The following SNX29 variants were observed in gnomAD, a reference collection of about 807,000 sequenced individuals.
SNX29 encodes the protein sorting nexin 29, also known as sorting nexin-29.
A neutral mutation model predicts 102.1 loss-of-function variants in SNX29; 78 were observed. The ratio of observed to expected loss-of-function variants is 0.76; its 90% CI spans 0.64 to 0.92. The LOEUF is 0.92. Among genes scored for constraint, SNX29 ranks in the 40% least tolerant of loss-of-function variants. The pLI is 0.00. For missense variants in SNX29, 1,280 were observed against 1,061.7 expected, an observed-to-expected ratio of 1.21 and a Z score of -2.86; for synonymous variants, 580 against 414.5, an observed-to-expected ratio of 1.40 and a Z score of -4.85.
intron 14 of SNX29, among the ~76,000 whole-genome samples, chr16:12,207,674 A>C (rs992877783): frequency 9.2e-5 from 14 of 152,022 alleles, no homozygotes; most frequent in African/African-American, 3.1e-4. Flanking sequence ...CGCTTCCCTT[A>C]TGCTTGCTCA....
chr16:12,566,595 A>T (rs1598111323), intron 20 of SNX29, among the ~76,000 whole-genome samples: 1 of 152,194 alleles, frequency 6.6e-6, no homozygotes, highest in African/African-American at 2.4e-5. Flanking sequence ...GCCTTCCTGT[A>T]TCTAAGAATC....
intron 3 of SNX29, among the ~76,000 whole-genome samples, chr16:12,025,302 C>CAAAAAAAA (rs35724715): frequency 3.6e-4 from 22 of 60,564 alleles, no homozygotes; most frequent in East Asian, 7.2e-4. Context: ...AACTCCATCT[C>CAAAAAAAA]AAAAAAAAAA....
intron 15 of SNX29, among the ~76,000 whole-genome samples, chr16:12,290,791 G>T (rs569924634): frequency 6.3e-4 from 96 of 152,232 alleles, no homozygotes; most frequent in Admixed American, 1.4e-3. Context: ...CTAGACTGAG[G>T]CATAGGAGAG....
intron 4 of SNX29, among the ~76,000 whole-genome samples, chr16:12,036,124 G>C (rs1374808983): frequency 1.3e-5 from 2 of 151,998 alleles, no homozygotes; most frequent in African/African-American, 2.4e-5. Context: ...AACTAGGCTG[G>C]AGTGCAGTGG....
intron 15 of SNX29, among the ~76,000 whole-genome samples, chr16:12,334,683 A>C (rs2081394677): frequency 6.6e-6 from 1 of 152,164 alleles, no homozygotes; most frequent in South Asian, 2.1e-4. Flanking sequence ...TTTCCCATAA[A>C]GCTCACTATT....
chr16:12,521,541 T>A (rs1306592748), intron 19 of SNX29, among the ~76,000 whole-genome samples: 1 of 152,168 alleles, frequency 6.6e-6, no homozygotes, highest in African/African-American at 2.4e-5. Flanking sequence ...TCCTTATTGC[T>A]TTAGAGTGTT....
chr16:12,119,046 T>G (rs1248703226), intron 11 of SNX29, among the ~76,000 whole-genome samples: 1 of 152,220 alleles, frequency 6.6e-6, no homozygotes. Context: ...CTCACAATAG[T>G]GATCCACAGC....
intron 20 of SNX29, chr16:12,546,629 T>C (rs2077622625): frequency 6.6e-6 from 1 of 152,358 alleles, no homozygotes; most frequent in Middle Eastern, 3.4e-3. Flanking sequence ...GATTGATCTA[T>C]TGATAATTAT....
chr16:11,984,295 G>A, intron 1 of SNX29, among the ~76,000 whole-genome samples: 1 of 151,826 alleles, frequency 6.6e-6, no homozygotes, highest in African/African-American at 2.4e-5. Context: ...GAGCCTGGGA[G>A]GTTGAGGCTA....
At chr16:12,013,500 A>AAAAATATATATATAT in intron 3 of SNX29, among the ~76,000 whole-genome samples, 7 of 31,624 alleles carry the variant, frequency 2.2e-4, no homozygotes, top group African/African-American at 3.9e-4. Context: ...AAAAAAAAAA[A>AAAAATATATATATAT]ATATATATAT....
At chr16:12,504,043 C>T (rs780198690) in intron 19 of SNX29, among the ~76,000 whole-genome samples, 1 of 152,178 alleles carries the variant, frequency 6.6e-6, no homozygotes, top group African/African-American at 2.4e-5. Flanking sequence ...TTGGTAGTCA[C>T]CCCATCCTCT....
At chr16:12,232,937 A>C (rs1014112950) in intron 14 of SNX29, among the ~76,000 whole-genome samples, 1 of 152,140 alleles carries the variant, frequency 6.6e-6, no homozygotes, top group Admixed American at 6.5e-5. Context: ...GAGGTGGTCC[A>C]CCCGGAACTT....
intron 13 of SNX29, among the ~76,000 whole-genome samples, chr16:12,158,955 T>C (rs1335495233): frequency 1.3e-5 from 2 of 152,198 alleles, no homozygotes; most frequent in African/African-American, 4.8e-5. Flanking sequence ...TGGAATCATT[T>C]CTCCAATCAT....
rs150551155 is a variant in SNX29, at chr16:12,016,117, G to C, written c.123-11203G>C. Among the ~76,000 whole-genome samples the C allele has an allele frequency of 2.6e-3, 391 of 152,092 alleles. 1 individual carries two copies. Among genetic ancestry groups the C allele is most frequent in the African/African-American group, 8.9e-3 (369 of 41,470 alleles). ...TGACCTCAAGTGATCTGCCCACCTTGGCCTCCCAAAGTGCTGGGATTGCAG... is the reference window on the plus strand; with the variant it reads ...TGACCTCAAGTGATCTGCCCACCTTCGCCTCCCAAAGTGCTGGGATTGCAG... On this transcript the variant is annotated intron_variant, in intron 3 of 20. Transcript: ENST00000566228.
At chr16:12,339,871 C>G (rs980000495) in intron 15 of SNX29, among the ~76,000 whole-genome samples, 5 of 152,106 alleles carry the variant, frequency 3.3e-5, no homozygotes, top group African/African-American at 1.2e-4. Flanking sequence ...ATTGGCAGGG[C>G]CAGGGCACGT....
intron 1 of SNX29, among the ~76,000 whole-genome samples, chr16:11,993,289 T>A (rs1207446992): frequency 6.6e-6 from 1 of 152,106 alleles, no homozygotes; most frequent in African/African-American, 2.4e-5. Context: ...AAAGAAGGAA[T>A]ATAGCCGGAG....
intron 14 of SNX29, among the ~76,000 whole-genome samples, chr16:12,277,520 T>A (rs2079291324): frequency 1.3e-5 from 2 of 152,264 alleles, no homozygotes; most frequent in East Asian, 3.8e-4. Flanking sequence ...GATTATTTCT[T>A]GACTCCTGTG....
chr16:12,537,665 A>T (rs946232707), intron 20 of SNX29, among the ~76,000 whole-genome samples: 4 of 152,216 alleles, frequency 2.6e-5, no homozygotes, highest in South Asian at 2.1e-4. Context: ...GCCCTACTTC[A>T]TGTCTTTTTT....
chr16:12,558,653 C>G (rs887227365), intron 20 of SNX29, among the ~76,000 whole-genome samples: 2 of 152,222 alleles, frequency 1.3e-5, no homozygotes, highest in African/African-American at 4.8e-5. Context: ...ATTCTCCATC[C>G]CACCCAATCC....
Sources: allele counts gnomAD v4.1 joint callset (sites outside exome capture counted in the v4.1 genomes callset), GRCh38; gene constraint gnomAD v4.1.1; transcripts MANE v1.5; gene names NCBI Gene and HGNC (gene_info 2026-07-23, HGNC 2026-07-21).